Variants in FARSB observed in about 807,000 individuals in gnomAD.
FARSB encodes the protein phenylalanine--tRNA ligase beta subunit.
In FARSB, 40 loss-of-function variants were observed where a neutral mutation model predicts 69.6. The observed-to-expected ratio is 0.57, with a 90% CI of 0.45 to 0.75. The LOEUF (loss-of-function observed/expected upper bound fraction) is 0.75, where lower values mean the gene tolerates loss of function less well. FARSB is among the 30% of genes least tolerant of loss of function. The pLI, the probability that FARSB is intolerant of heterozygous loss-of-function variation, is 0.00. For missense variants in FARSB, 632 were observed against 722.9 expected, an observed-to-expected ratio of 0.87 and a Z score of 1.44; for synonymous variants, 235 against 247.2, an observed-to-expected ratio of 0.95 and a Z score of 0.46.
intron 16 of FARSB, among the ~76,000 whole-genome samples, chr2:222,586,864 TTA>T (rs1690128388): frequency 6.6e-6 from 1 of 152,146 alleles, no homozygotes; most frequent in Non-Finnish European, 1.5e-5. Flanking sequence ...AAGCAAGTCC[TTA>T]GAGACCTACA....
At chr2:222,632,188 A>G (rs927882721) in intron 7 of FARSB, among the ~76,000 whole-genome samples, 3 of 152,242 alleles carry the variant, frequency 2.0e-5, no homozygotes, top group African/African-American at 4.8e-5. Flanking sequence ...TAAACAACTT[A>G]TATTTAAAGC....
At chr2:222,642,794 C>T (rs1691754950) in intron 3 of FARSB, 57 bp downstream of exon 3, 1 of 1,331,474 alleles carries the variant, frequency 7.5e-7, no homozygotes, top group South Asian at 1.6e-5. Context: ...CTGATAATGA[C>T]AAGGAAAGAA....
At chr2:222,649,090 G>A (rs535025021) in intron 1 of FARSB, among the ~76,000 whole-genome samples, 77 of 152,162 alleles carry the variant, frequency 5.1e-4, no homozygotes, top group African/African-American at 1.7e-3. Flanking sequence ...GCCAGGCATG[G>A]TGGCGCATGC....
At chr2:222,597,064 C>T (rs1690437169) in intron 16 of FARSB, among the ~76,000 whole-genome samples, 1 of 152,110 alleles carries the variant, frequency 6.6e-6, no homozygotes. Context: ...AAAAAAAGCA[C>T]TCAGAGCTAG....
At chr2:222,650,524 G>A (rs1025032203) in intron 1 of FARSB, among the ~76,000 whole-genome samples, 2 of 152,190 alleles carry the variant, frequency 1.3e-5, no homozygotes, top group African/African-American at 4.8e-5. Flanking sequence ...GCCGAATGAT[G>A]GGAGGTAGGA....
intron 14 of FARSB, among the ~76,000 whole-genome samples, chr2:222,618,671 A>G (rs1359156602): frequency 6.6e-6 from 1 of 152,236 alleles, no homozygotes; most frequent in Non-Finnish European, 1.5e-5. Context: ...TTAAAGCAGT[A>G]TCATTCTCAT....
In FARSB at chr2:222,571,827, G is replaced by A; in HGVS notation, c.*44C>T. 3 of 1,564,002 alleles carry A rather than the reference G, an allele frequency of 1.9e-6. No homozygotes were observed. Among genetic ancestry groups the A allele is most frequent in the Non-Finnish European group, 2.6e-6 (3 of 1,146,410 alleles). ...AGGACTTAAGGACACTAGGGGAGGA[G>A]AAAGGGACACCTGGGAAGAGAATCA... is the stretch of plus-strand genomic sequence containing the variant. On this transcript the variant is annotated 3_prime_UTR_variant, in exon 17 of 17. Transcript: ENST00000281828.
chr2:222,644,181 C>T (rs1182601273), intron 2 of FARSB, among the ~76,000 whole-genome samples: 1 of 152,134 alleles, frequency 6.6e-6, no homozygotes, highest in Non-Finnish European at 1.5e-5. Flanking sequence ...ATTATATCCA[C>T]ATTTGCACAA....
chr2:222,605,562 T>C (rs1375987346), intron 15 of FARSB, among the ~76,000 whole-genome samples: 1 of 152,202 alleles, frequency 6.6e-6, no homozygotes, highest in Non-Finnish European at 1.5e-5. Context: ...ATTAAAAATT[T>C]AGAATTTTAA....
intron 16 of FARSB, among the ~76,000 whole-genome samples, chr2:222,583,027 C>G (rs1214630467): frequency 6.6e-6 from 1 of 151,926 alleles, no homozygotes; most frequent in Non-Finnish European, 1.5e-5. Context: ...AAACCAAACA[C>G]TGCATGTTCT....
intron 15 of FARSB, among the ~76,000 whole-genome samples, chr2:222,603,943 G>A (rs539743565): frequency 2.6e-5 from 4 of 151,852 alleles, no homozygotes; most frequent in East Asian, 1.9e-4. Flanking sequence ...GAGGCCAGGC[G>A]CGGTGGCTCA....
At chr2:222,598,614 T>C (rs1690483846) in intron 16 of FARSB, among the ~76,000 whole-genome samples, 1 of 152,230 alleles carries the variant, frequency 6.6e-6, no homozygotes, top group African/African-American at 2.4e-5. Flanking sequence ...CAGGTTGCCA[T>C]AAGCCTGGAT....
chr2:222,631,976 G>A (rs922021432), intron 7 of FARSB, among the ~76,000 whole-genome samples: 4 of 152,112 alleles, frequency 2.6e-5, no homozygotes, highest in African/African-American at 7.2e-5. Flanking sequence ...GGAGGCTCAG[G>A]CAGGAGAATT....
intron 15 of FARSB, among the ~76,000 whole-genome samples, chr2:222,600,328 G>A (rs1422701416): frequency 1.3e-5 from 2 of 151,878 alleles, no homozygotes; most frequent in Non-Finnish European, 2.9e-5. Context: ...GGGAAAATAA[G>A]GCTTCACTGA....
rs746014277 is a variant in FARSB, at chr2:222,568,964, A to C, written c.*2907T>G. On this transcript the variant is annotated 3_prime_UTR_variant, in exon 17 of 17. Coordinates refer to ENST00000281828, the MANE Select transcript of FARSB (RefSeq NM_005687.5). This position sits in a 1 kb window ranked among gnomAD's most constrained non-coding sequence, Gnocchi z 4.3. The stretch of plus-strand genomic sequence containing the variant: ...CATTTAATTTTCACTTTAATACTAG[A>C]GCTCCCAGTTTTTACTAAGAAGGTG... 6 of 152,214 alleles carry C rather than the reference A, an allele frequency of 3.9e-5. No homozygotes were observed. The highest frequency in any genetic ancestry group is 8.8e-5 in the Non-Finnish European group (6 of 68,038). 9.4% of individuals were successfully genotyped at this position (152,214 alleles called of 1,614,324 possible).
At chr2:222,591,267 T>A in intron 16 of FARSB, among the ~76,000 whole-genome samples, 1 of 151,456 alleles carries the variant, frequency 6.6e-6, no homozygotes, top group South Asian at 2.1e-4. Context: ...GAACCATCAA[T>A]GTTCTGGCAG....
At chr2:222,591,563 G>T (rs1234392362) in intron 16 of FARSB, among the ~76,000 whole-genome samples, 2 of 152,200 alleles carry the variant, frequency 1.3e-5, no homozygotes, top group Non-Finnish European at 2.9e-5. Context: ...GGTAGAAAGA[G>T]AAGAATAAAA....
At chr2:222,616,301 A>T (rs983447775) in intron 14 of FARSB, among the ~76,000 whole-genome samples, 3 of 152,092 alleles carry the variant, frequency 2.0e-5, no homozygotes, top group Non-Finnish European at 4.4e-5. Flanking sequence ...AAAAAAAAAA[A>T]TTGATGGGAG....
chr2:222,635,343 G>A (rs115375132), intron 5 of FARSB, among the ~76,000 whole-genome samples: 1,745 of 152,310 alleles, frequency 0.011, 22 homozygotes, highest in African/African-American at 0.035. Context: ...TTAGTTTAAA[G>A]TGTATGTGCA....
Sources: allele counts gnomAD v4.1 joint callset (sites outside exome capture counted in the v4.1 genomes callset), GRCh38; gene constraint gnomAD v4.1.1; non-coding constraint Gnocchi (gnomAD v3.1); transcripts MANE v1.5; gene names NCBI Gene and HGNC (gene_info 2026-07-23, HGNC 2026-07-21).